Variants in CPPED1 observed in about 807,000 individuals in gnomAD.
CPPED1 encodes calcineurin like phosphoesterase domain containing 1.
CPPED1 carries 28 observed loss-of-function variants against 28.0 expected under a neutral mutation model. That is an observed-to-expected ratio of 1.00 (90% CI 0.74 to 1.37). The LOEUF (loss-of-function observed/expected upper bound fraction) is 1.37. Ranked by LOEUF, CPPED1 falls within the 40% of genes most tolerant of loss-of-function variation. CPPED1 has a pLI of 0.00. For missense variants in CPPED1, 504 were observed against 416.5 expected, an observed-to-expected ratio of 1.21 and a Z score of -1.83; for synonymous variants, 198 against 180.2, an observed-to-expected ratio of 1.10 and a Z score of -0.79.
At chr16:12,712,545 A>G (rs1450752895) in intron 2 of CPPED1, among the ~76,000 whole-genome samples, 1 of 152,228 alleles carries the variant, frequency 6.6e-6, no homozygotes, top group African/African-American at 2.4e-5. Context: ...ATTGGCTTAA[A>G]TGTTTATTAA....
chr16:12,710,549 G>C (rs1233206773), intron 2 of CPPED1, among the ~76,000 whole-genome samples: 2 of 151,264 alleles, frequency 1.3e-5, no homozygotes, highest in East Asian at 1.9e-4. Context: ...AGAGAAAAAA[G>C]TGCAAACCAC....
At chr16:12,739,416 C>T (rs2080242935) in intron 2 of CPPED1, among the ~76,000 whole-genome samples, 1 of 152,056 alleles carries the variant, frequency 6.6e-6, no homozygotes, top group South Asian at 2.1e-4. Context: ...TCTGTCTCTA[C>T]TAAAAATACA....
At chr16:12,799,955 A>G (rs955303434) in intron 1 of CPPED1, among the ~76,000 whole-genome samples, 1 of 152,060 alleles carries the variant, frequency 6.6e-6, no homozygotes, top group Non-Finnish European at 1.5e-5. Context: ...TATCTTATAG[A>G]TTTATCATCA....
At chr16:12,741,249 C>T (rs756484468) in intron 2 of CPPED1, among the ~76,000 whole-genome samples, 1 of 150,532 alleles carries the variant, frequency 6.6e-6, no homozygotes, top group Non-Finnish European at 1.5e-5. Context: ...AATGGTTTCA[C>T]ATCAGACTTT....
At chr16:12,678,502 C>T (rs976718353) in intron 3 of CPPED1, among the ~76,000 whole-genome samples, 6 of 152,038 alleles carry the variant, frequency 3.9e-5, no homozygotes, top group African/African-American at 7.2e-5. Flanking sequence ...GGGGAAATGC[C>T]GTATTAACAT....
At chr16:12,724,844 T>A (rs1270262095) in intron 2 of CPPED1, among the ~76,000 whole-genome samples, 2 of 152,166 alleles carry the variant, frequency 1.3e-5, no homozygotes, top group African/African-American at 4.8e-5. Context: ...TAGAGTGCAG[T>A]GGCGTGATCT....
rs143124592 is a variant in CPPED1 at position 12,754,877 on chromosome 16, T to C, written c.289+26308A>G. 5.2e-3 allele frequency among the ~76,000 whole-genome samples: 786 copies of C among 152,082 alleles called. 8 individuals carry two copies. Among genetic ancestry groups the C allele is most frequent in the African/African-American group, 0.018 (760 of 41,482 alleles). ...AATTCTTTAAATTAGGCCGGCATGG[T>C]GGTGTGTACTTGTAGTCCCAGCTAT... is the stretch of plus-strand genomic sequence containing the variant. On this transcript the variant is annotated intron_variant, in intron 2 of 3. Coordinates refer to ENST00000381774, the MANE Select transcript of CPPED1 (RefSeq NM_018340.3).
intron 2 of CPPED1, among the ~76,000 whole-genome samples, chr16:12,722,848 G>C (rs2080148802): frequency 6.6e-6 from 1 of 152,196 alleles, no homozygotes; most frequent in South Asian, 2.1e-4. Flanking sequence ...GGGTGGTGCA[G>C]TAAGATGCAG....
chr16:12,799,938 G>C (rs1185117261), intron 1 of CPPED1, among the ~76,000 whole-genome samples: 1 of 152,152 alleles, frequency 6.6e-6, no homozygotes, highest in Non-Finnish European at 1.5e-5. Flanking sequence ...CCTATCAGCA[G>C]GGTAGGTATC....
At chr16:12,787,460 C>T (rs181613224) in intron 1 of CPPED1, among the ~76,000 whole-genome samples, 77 of 146,026 alleles carry the variant, frequency 5.3e-4, no homozygotes, top group African/African-American at 1.8e-3. Context: ...GACTGCAGTG[C>T]GGTGGCGTGG....
In CPPED1 at chr16:12,670,080, C is replaced by T. The variant is rs949622411; in HGVS notation, c.716-4965G>A. On this transcript the variant is annotated intron_variant, in intron 3 of 3. Transcript: ENST00000381774. This position sits in a 1 kb window ranked among gnomAD's most constrained non-coding sequence, Gnocchi z 4.2. ...TTGGGAGGCCAAGGTGAGAGGATCG[C>T]TTGAGGCCAGGAGTTCGACCAGCCT... Among the ~76,000 whole-genome samples, 3 of 152,174 alleles carry T rather than the reference C, an allele frequency of 2.0e-5. No individual in the cohort carries two copies. The highest frequency in any genetic ancestry group is 4.4e-5 in the Non-Finnish European group (3 of 68,034).
In CPPED1 at chr16:12,670,701, C is replaced by T. The variant is rs900294507; in HGVS notation, c.716-5586G>A. 1.3e-5 allele frequency among the ~76,000 whole-genome samples: 2 copies of T among 152,178 alleles called. No individual in the cohort carries two copies. The highest frequency in any genetic ancestry group is 4.8e-5 in the African/African-American group (2 of 41,442). ...ATCAGACACATTCCCAAGAGAGACA[C>T]ATTGTATCAAATACCTGACCAGCAC... On this transcript the variant is annotated intron_variant, in intron 3 of 3. Coordinates refer to ENST00000381774, the MANE Select transcript of CPPED1 (RefSeq NM_018340.3). This position sits in a 1 kb window ranked among gnomAD's most constrained non-coding sequence, Gnocchi z 4.2.
chr16:12,774,160 T>C (rs1377510300), intron 2 of CPPED1, among the ~76,000 whole-genome samples: 3 of 152,144 alleles, frequency 2.0e-5, no homozygotes, highest in Admixed American at 2.0e-4. Context: ...GGCATTCTGC[T>C]AGATGGCTTT....
At chr16:12,800,601 C>T (rs1468508729) in intron 1 of CPPED1, among the ~76,000 whole-genome samples, 1 of 152,170 alleles carries the variant, frequency 6.6e-6, no homozygotes, top group Non-Finnish European at 1.5e-5. Context: ...AAAATCTGAT[C>T]ATACATCCTT....
In CPPED1 at chr16:12,665,127, G is replaced by A. The variant is rs1221357336; in HGVS notation, c.716-12C>T. The A allele has an allele frequency of 1.9e-6, 3 of 1,586,506 alleles. No homozygotes were observed. The highest frequency in any genetic ancestry group is 3.9e-5 in the Admixed American group (2 of 51,228). ...CACGACTTTGACACCTGCAGAGAAG[G>A]GAAAAAGTCATTAGGGGGCCGAGGA... On this transcript the variant is annotated splice_polypyrimidine_tract_variant and intron_variant, in intron 3 of 3. Coordinates refer to ENST00000381774, the MANE Select transcript of CPPED1 (RefSeq NM_018340.3).
At chr16:12,738,943 T>C (rs1045522204) in intron 2 of CPPED1, among the ~76,000 whole-genome samples, 3 of 151,766 alleles carry the variant, frequency 2.0e-5, no homozygotes, top group African/African-American at 7.3e-5. Context: ...AATGAAGGAG[T>C]TTTCCTACTC....
Position 12,781,229 on chromosome 16 carries a change from G to A in CPPED1, c.245C>T (p.Pro82Leu), listed in dbSNP as rs1325631918. ...VQAINKLNPKPKFFVLCGDLI... is the reference protein window; with the variant it reads ...VQAINKLNPKLKFFVLCGDLI... ...GTCGCCGCACAGAACGAAGAATTTG[G>A]GTTTGGGGTTCAGCTTGTTGATGGC... Residue 82 changes from proline to leucine, a missense_variant, in exon 2 of 4, where the codon CCC becomes CTC. Transcript: ENST00000381774. 1.2e-6 allele frequency: 2 copies of A among 1,613,978 alleles called. No homozygotes were observed. Among genetic ancestry groups the A allele is most frequent in the African/African-American group, 1.3e-5 (1 of 74,906 alleles).
intron 2 of CPPED1, among the ~76,000 whole-genome samples, chr16:12,772,495 T>A (rs367854825): frequency 1.3e-5 from 2 of 152,242 alleles, no homozygotes; most frequent in African/African-American, 4.8e-5. Context: ...CTGCTTTATC[T>A]ATAGCAAATA....
intron 2 of CPPED1, among the ~76,000 whole-genome samples, chr16:12,732,475 AAC>A (rs199927875): frequency 3.5e-5 from 5 of 142,374 alleles, no homozygotes; most frequent in East Asian, 2.0e-4. Context: ...CAAACACACA[AAC>A]ACACACACAC....
Sources: allele counts gnomAD v4.1 joint callset (sites outside exome capture counted in the v4.1 genomes callset), GRCh38; gene constraint gnomAD v4.1.1; non-coding constraint Gnocchi (gnomAD v3.1); transcripts MANE v1.5; gene names NCBI Gene and HGNC (gene_info 2026-07-23, HGNC 2026-07-21).